ANO3: variants seen among roughly 807,000 people sequenced by gnomAD.
ANO3 encodes the protein anoctamin-3.
ANO3 carries 99 observed loss-of-function variants against 144.8 expected under a neutral mutation model. The ratio of observed to expected loss-of-function variants is 0.68; its 90% CI spans 0.58 to 0.81. The LOEUF (loss-of-function observed/expected upper bound fraction) is 0.81, where lower values mean the gene tolerates loss of function less well. Ranked by LOEUF, ANO3 falls within the 30% of genes least tolerant of loss-of-function variation. ANO3 has a pLI of 0.00. For missense variants in ANO3, 905 were observed against 1,202.2 expected, an observed-to-expected ratio of 0.75 and a Z score of 3.66; for synonymous variants, 414 against 392.6, an observed-to-expected ratio of 1.05 and a Z score of -0.64.
chr11:26,395,357 T>C (rs753963870), intron 1 of ANO3, among the ~76,000 whole-genome samples: 7 of 152,204 alleles, frequency 4.6e-5, no homozygotes, highest in Non-Finnish European at 1.0e-4. Context: ...AATCTCTAAA[T>C]TACTTTGGGC....
intron 22 of ANO3, among the ~76,000 whole-genome samples, 194 bp from the exon 23 acceptor site, chr11:26,642,988 T>C (rs1188885024): frequency 6.6e-6 from 1 of 152,228 alleles, no homozygotes; most frequent in Admixed American, 6.5e-5. Context: ...AATAAAGGTT[T>C]CAACATTTTC....
chr11:26,630,801 A>G (rs1443352904), intron 18 of ANO3, among the ~76,000 whole-genome samples: 2 of 152,152 alleles, frequency 1.3e-5, no homozygotes, highest in African/African-American at 2.4e-5. Context: ...TTGTTACACT[A>G]TGCTGTATTA....
chr11:26,216,110 G>T (rs1398563038), intron 1 of ANO3, among the ~76,000 whole-genome samples: 1 of 151,952 alleles, frequency 6.6e-6, no homozygotes, highest in African/African-American at 2.4e-5. Context: ...AAGATGGAAG[G>T]CTTTGGTATA....
At chr11:26,279,414 A>G (rs1246137146) in intron 1 of ANO3, among the ~76,000 whole-genome samples, 2 of 152,218 alleles carry the variant, frequency 1.3e-5, no homozygotes, top group African/African-American at 4.8e-5. Context: ...ATGGATACAT[A>G]ATTGTAAAGA....
chr11:26,386,286 G>A (rs1426932016), intron 1 of ANO3, among the ~76,000 whole-genome samples: 2 of 152,154 alleles, frequency 1.3e-5, no homozygotes, highest in Admixed American at 1.3e-4. Context: ...ATAGAAATAA[G>A]TATATAAATG....
rs1193352624 is a variant in ANO3 at position 26,236,773 on chromosome 11, G to A, written c.154+47443G>A. ...GCAGAGCTTGCAGTGAGCCCAGATC[G>A]CGCCACTGCACTCCAGCCTGGGCGA... On this transcript the variant is annotated intron_variant, in intron 1 of 27. Coordinates refer to the ANO3 transcript ENST00000672621. Among the ~76,000 whole-genome samples the A allele has an allele frequency of 2.1e-5, 3 of 143,264 alleles. No homozygotes were observed. In the East Asian group the frequency reaches 6.2e-4, roughly 30 times the overall value. 94.0% of individuals were successfully genotyped at this position (143,264 alleles called of 152,430 possible). A position where few individuals can be genotyped will look rare whatever the true frequency, so the allele number is the denominator to read the frequency against.
In ANO3 at chr11:26,525,440, A is replaced by G. The variant is rs383137; in HGVS notation, c.693-195A>G. On this transcript the variant is annotated intron_variant, in intron 6 of 26. Transcript: ENST00000256737. ...TTATTAGAGTGTCTTTGTTATTAGT[A>G]TCTTAGATTCTGAAATTAAAACAAT... 0.77 allele frequency among the ~76,000 whole-genome samples: 117,358 copies of G among 151,970 alleles called. 45,446 individuals carry two copies. Among genetic ancestry groups the G allele is most frequent in the East Asian group, 0.84 (4,357 of 5,168 alleles).
intron 4 of ANO3, among the ~76,000 whole-genome samples, chr11:26,465,272 TTAGATAGATAGATAGA>T (rs60663776): frequency 6.8e-5 from 10 of 146,426 alleles, no homozygotes; most frequent in East Asian, 2.1e-4. Context: ...ATGAACCTAT[TTAGATAGATAGATAGA>T]TAGATAGATA....
chr11:26,384,263 A>C (rs549104619), intron 1 of ANO3, among the ~76,000 whole-genome samples: 152 of 152,258 alleles, frequency 1.0e-3, no homozygotes, highest in African/African-American at 3.6e-3. Flanking sequence ...GTATATGTAC[A>C]AATTATAAAT....
intron 17 of ANO3, among the ~76,000 whole-genome samples, chr11:26,611,454 A>G (rs550863710): frequency 2.0e-4 from 30 of 152,232 alleles, no homozygotes; most frequent in African/African-American, 7.0e-4. Context: ...GTTTTGTAAT[A>G]TTGTGGTCTA....
At chr11:26,224,268 C>T (rs368340333) in intron 1 of ANO3, among the ~76,000 whole-genome samples, 14 of 152,196 alleles carry the variant, frequency 9.2e-5, no homozygotes, top group African/African-American at 1.9e-4. Context: ...CAACAGGCCC[C>T]GTACAATAGG....
At chr11:26,598,833 T>C (rs1851713395) in intron 15 of ANO3, 25 bp from the exon 16 acceptor site, 3 of 1,603,782 alleles carry the variant, frequency 1.9e-6, no homozygotes, top group East Asian at 2.2e-5. Flanking sequence ...CTTTGATATT[T>C]AGATAACTTT....
intron 24 of ANO3, among the ~76,000 whole-genome samples, chr11:26,653,853 T>A (rs1281992815): frequency 6.6e-6 from 1 of 152,188 alleles, no homozygotes; most frequent in Non-Finnish European, 1.5e-5. Flanking sequence ...TCTATTATGT[T>A]GTGAGGTGGT....
intron 1 of ANO3, among the ~76,000 whole-genome samples, chr11:26,370,188 G>T (rs1407458618): frequency 6.6e-6 from 1 of 152,140 alleles, no homozygotes; most frequent in Non-Finnish European, 1.5e-5. Context: ...GGAATCATGG[G>T]TGTGGTTTTC....
intron 4 of ANO3, among the ~76,000 whole-genome samples, chr11:26,467,641 T>C (rs1439346485): frequency 6.6e-6 from 1 of 150,792 alleles, no homozygotes; most frequent in Admixed American, 6.7e-5. Context: ...TAGTACTCCA[T>C]TGTGTATATG....
chr11:26,471,047 G>A (rs186549155), intron 4 of ANO3, among the ~76,000 whole-genome samples: 1 of 152,040 alleles, frequency 6.6e-6, no homozygotes, highest in Admixed American at 6.6e-5. Flanking sequence ...GCTGTGGTAA[G>A]CACTTTATAT....
chr11:26,411,888 C>A (rs1466262853), intron 1 of ANO3, among the ~76,000 whole-genome samples: 1 of 151,938 alleles, frequency 6.6e-6, no homozygotes, highest in African/African-American at 2.4e-5. Flanking sequence ...TGTTATAACT[C>A]CATATCTTCC....
At chr11:26,559,882 T>C in intron 14 of ANO3, 103 bp downstream of exon 14, 2 of 820,084 alleles carry the variant, frequency 2.4e-6, no homozygotes, top group South Asian at 3.3e-5. Flanking sequence ...ACACCATGAA[T>C]CAATTCAAAA....
chr11:26,322,190 T>G (rs573445887), intron 1 of ANO3, among the ~76,000 whole-genome samples: 1 of 152,074 alleles, frequency 6.6e-6, no homozygotes, highest in Non-Finnish European at 1.5e-5. Flanking sequence ...TACTTGAATA[T>G]AATTGAAGAC....
Sources: gnomAD v4.1 joint callset for allele counts (sites outside exome capture counted in the v4.1 genomes callset) on GRCh38, gnomAD v4.1.1 for gene constraint, MANE v1.5 for transcripts, NCBI Gene and HGNC (gene_info 2026-07-23, HGNC 2026-07-21) for gene names.